Variants in GAK observed in about 807,000 individuals in gnomAD.
The protein encoded by GAK is cyclin G associated kinase.
A neutral mutation model predicts 143.9 loss-of-function variants in GAK; 79 were observed. The ratio of observed to expected loss-of-function variants is 0.55; its 90% CI spans 0.46 to 0.66. GAK has a LOEUF of 0.66. Among genes scored for constraint, GAK ranks in the 30% least tolerant of loss-of-function variants. The pLI is 0.00. For synonymous variants in GAK, 881 were observed against 765.5 expected (o/e 1.15, Z -2.49); for missense variants, 1,693 against 1,779.7 (o/e 0.95, Z 0.88).
At chr4:876,944 G>T in intron 17 of GAK, 146 bp downstream of exon 17, 1 of 624,558 alleles carries the variant, frequency 1.6e-6, no homozygotes. Context: ...GGGCGCTGTG[G>T]GGCAGTCGCC....
chr4:863,658 A>G (rs1750666744), intron 23 of GAK, among the ~76,000 whole-genome samples: 2 of 152,216 alleles, frequency 1.3e-5, no homozygotes, highest in Non-Finnish European at 2.9e-5. Flanking sequence ...GATCGTTAGC[A>G]TTTTTTAGCA....
chr4:898,669 C>T (rs1577224498), intron 5 of GAK, among the ~76,000 whole-genome samples: 1 of 152,200 alleles, frequency 6.6e-6, no homozygotes, highest in African/African-American at 2.4e-5. Flanking sequence ...CGAGACACGC[C>T]TGACCAACAT....
rs147032320 is a variant in GAK at position 863,243 on chromosome 4, G to A, written c.3166+1879C>T. Among the ~76,000 whole-genome samples the A allele has an allele frequency of 7.7e-4, 118 of 152,364 alleles. 1 individual carries two copies. Among genetic ancestry groups the A allele is most frequent in the African/African-American group, 2.7e-3 (114 of 41,596 alleles). ...CAAGAGAACTCGAATTAGAAGTGGAGCCTGCAGATGGGACCGAATTACTGC... is the reference window on the plus strand; with the variant it reads ...CAAGAGAACTCGAATTAGAAGTGGAACCTGCAGATGGGACCGAATTACTGC... On this transcript the variant is annotated intron_variant, in intron 23 of 27. Coordinates refer to ENST00000314167, the MANE Select transcript of GAK (RefSeq NM_005255.4).
In GAK at chr4:867,074, AG is replaced by A; in HGVS notation, c.2753del (p.Pro918LeufsTer27). ...CCGGGGGCCCCTGGGAGGCGGCCTC[AG>A]GGGGCCCAAGGAGGCAGCTGAGCAG... ...TDLLSCLLGP[P>X]EAASQGPPED... On this transcript the variant is annotated frameshift_variant, in exon 21 of 28. Coordinates refer to ENST00000314167, the MANE Select transcript of GAK (RefSeq NM_005255.4). LOFTEE classifies it high-confidence loss of function. 6.5e-7 allele frequency: 1 copy of A among 1,538,524 alleles called. No homozygotes were observed. The highest frequency in any genetic ancestry group is 8.8e-7 in the Non-Finnish European group (1 of 1,142,264).
At chr4:888,996 GCCCCAGGTGCTCGGTCCCACCT>G (rs1717113050) in intron 10 of GAK, 26 bp from the exon 11 acceptor site, 1 of 1,600,984 alleles carries the variant, frequency 6.2e-7, no homozygotes, top group Non-Finnish European at 8.5e-7. Context: ...GTCTCAGCAG[GCCCCAGGTGCTCGGTCCCACCT>G]CCCCAGGTGC....
intron 7 of GAK, among the ~76,000 whole-genome samples, chr4:895,651 G>T (rs1462558378): frequency 6.6e-6 from 1 of 152,236 alleles, no homozygotes; most frequent in African/African-American, 2.4e-5. Flanking sequence ...GTGGCTGAAT[G>T]ACGGGGTAAG....
chr4:884,260 C>T (rs899387), intron 11 of GAK, 174 bp from the exon 12 acceptor site: 222,670 of 596,472 alleles, frequency 0.37, 43,692 homozygotes, highest in African/African-American at 0.56. Flanking sequence ...CGGCTGTGTG[C>T]GTGCTGTGGA....
chr4:857,569 G>T (rs11731387), intron 24 of GAK, among the ~76,000 whole-genome samples: 1 of 152,080 alleles, frequency 6.6e-6, no homozygotes, highest in African/African-American at 2.4e-5. Context: ...TCAATTTCAC[G>T]TAAGTCGTCA....
intron 18 of GAK, among the ~76,000 whole-genome samples, chr4:871,414 T>C (rs1451795227): frequency 6.6e-6 from 1 of 152,228 alleles, no homozygotes; most frequent in Non-Finnish European, 1.5e-5. Context: ...TCTGGGATAC[T>C]AAATGTGTTT....
intron 13 of GAK, among the ~76,000 whole-genome samples, 191 bp downstream of exon 13, chr4:883,124 C>T (rs928805041): frequency 2.6e-5 from 4 of 152,232 alleles, no homozygotes; most frequent in Admixed American, 1.3e-4. Flanking sequence ...CCAGAGTTCC[C>T]GGCAAGCGGC....
At chr4:927,180 T>A (rs1577340456) in intron 1 of GAK, among the ~76,000 whole-genome samples, 1 of 44,636 alleles carries the variant, frequency 2.2e-5, no homozygotes, top group Non-Finnish European at 4.1e-5. Context: ...CCCGCACCCC[T>A]CCCGGCTCAC....
At position 923,549 on chromosome 4, in the gene GAK, C is replaced by A. The variant is rs1349865111; in HGVS notation, c.145+8494G>T. ...AATTAGCCAGGCGTGGTGGTGCGTG[C>A]CTGTGGTCCCAGCTACCTGGGAGGC... On this transcript the variant is annotated intron_variant, in intron 1 of 27. Transcript: ENST00000314167. 2.6e-5 allele frequency among the ~76,000 whole-genome samples: 4 copies of A among 152,176 alleles called. No homozygotes were observed. The Middle Eastern group carries it at 9.5e-3, about 361-fold the overall frequency.
intron 18 of GAK, among the ~76,000 whole-genome samples, chr4:874,649 A>AC (rs1560328048): frequency 6.6e-6 from 1 of 150,690 alleles, no homozygotes; most frequent in Non-Finnish European, 1.5e-5. Context: ...GAGGTACTGA[A>AC]CCTCTTTTCT....
intron 1 of GAK, among the ~76,000 whole-genome samples, chr4:930,093 A>G (rs1478610105): frequency 2.6e-5 from 4 of 152,254 alleles, no homozygotes; most frequent in Non-Finnish European, 5.9e-5. Flanking sequence ...GGTTCAGATT[A>G]CCAGCCATCA....
intron 15 of GAK, 75 bp from the exon 16 acceptor site, chr4:877,884 TAGA>T (rs759016284): frequency 1.4e-4 from 188 of 1,355,636 alleles, no homozygotes; most frequent in Non-Finnish European, 1.8e-4. Flanking sequence ...GTCTTTCGAA[TAGA>T]AGTTTTTCAT....
In GAK at chr4:882,028, C is replaced by A. The variant is rs374987786; in HGVS notation, c.1540G>T (p.Ala514Ser). 14 of 1,605,088 alleles carry A rather than the reference C, an allele frequency of 8.7e-6. No homozygotes were observed. Among genetic ancestry groups the A allele is most frequent in the Non-Finnish European group, 1.2e-5 (14 of 1,176,310 alleles). The change falls in exon 15 of 28, where the codon GCG becomes TCG. Residue 514 changes from alanine to serine, a missense_variant. Around this residue, in one of 2 missense-constraint regions of GAK, gnomAD observed 871 missense variants for 991.0 expected, o/e 0.88. Transcript: ENST00000314167. ...CVVHCMDGRA[A>S]SAVAVCSFLC... The stretch of plus-strand genomic sequence containing the variant: ...AAGGAGCAGACGGCCACAGCAGACG[C>A]GGCTCTCCCGTCCTAGGACAGACAG...
Position 894,244 on chromosome 4 carries a change from G to A in GAK, c.742-235C>T, listed in dbSNP as rs1718298762. 6.5e-5 allele frequency: 30 copies of A among 464,818 alleles called. 1 individual carries two copies. In the South Asian group the frequency reaches 9.1e-4, roughly 14 times the overall value. 28.8% of individuals were successfully genotyped at this position (464,818 alleles called of 1,614,324 possible). On this transcript the variant is annotated intron_variant, in intron 7 of 27. Coordinates refer to ENST00000314167, the MANE Select transcript of GAK (RefSeq NM_005255.4). ...TGCGGGAACAACAGGGGTGACACCC[G>A]GGCCGCGGGGAGCGCAGGGGTGACG...
intron 11 of GAK, among the ~76,000 whole-genome samples, chr4:884,542 GCTGGAGGCAGAGAGGGCCCCCTGCC>G (rs1715873941): frequency 6.6e-6 from 1 of 152,206 alleles, no homozygotes; most frequent in South Asian, 2.1e-4. Flanking sequence ...AGCAGACGCC[GCTGGAGGCAGAGAGGGCCCCCTGCC>G]CTGAGTGCCT....
chr4:873,312 A>G (rs1329850025), intron 18 of GAK, among the ~76,000 whole-genome samples: 1 of 152,140 alleles, frequency 6.6e-6, no homozygotes, highest in Non-Finnish European at 1.5e-5. Flanking sequence ...TCACTTAACG[A>G]GCATACGGTC....
Sources: allele counts gnomAD v4.1 joint callset (sites outside exome capture counted in the v4.1 genomes callset), GRCh38; gene constraint gnomAD v4.1.1; regional missense constraint gnomAD v4.1.1; transcripts MANE v1.5; gene names NCBI Gene and HGNC (gene_info 2026-07-23, HGNC 2026-07-21).